Variants in LRRC49 observed in about 807,000 individuals in gnomAD.
LRRC49 encodes leucine rich repeat containing 49, also known as leucine-rich repeat-containing protein 49.
A neutral mutation model predicts 83.3 loss-of-function variants in LRRC49; 50 were observed. That is an observed-to-expected ratio of 0.60 (90% CI 0.48 to 0.76). LRRC49 has a LOEUF of 0.76. Ranked by LOEUF, LRRC49 falls within the 30% of genes least tolerant of loss-of-function variation. The pLI, the probability that LRRC49 is intolerant of heterozygous loss-of-function variation, is 0.00. For missense variants in LRRC49, 704 were observed against 809.1 expected (o/e 0.87, Z 1.58); for synonymous variants, 286 against 283.3 (o/e 1.01, Z -0.10).
Position 71,052,052 on chromosome 15 carries a change from A to G in LRRC49, c.*2440A>G, listed in dbSNP as rs980574664. The G allele has an allele frequency of 6.6e-6, 1 of 152,196 alleles. No individual in the cohort carries two copies. Among genetic ancestry groups the G allele is most frequent in the African/African-American group, 2.4e-5 (1 of 41,430 alleles). The allele number at this position is 152,196 out of a possible 1,614,324, so 9.4% of individuals were successfully genotyped here. ...CACTCCAAACTCATTTTGCGTTCTG[A>G]AGTTCCTTGGTGAAGATAATCCCCA... On this transcript the variant is annotated 3_prime_UTR_variant, in exon 16 of 16. Coordinates refer to ENST00000260382, the MANE Select transcript of LRRC49 (RefSeq NM_017691.5).
chr15:70,879,634 T>C (rs942328371), intron 2 of LRRC49, among the ~76,000 whole-genome samples: 1 of 151,802 alleles, frequency 6.6e-6, no homozygotes, highest in South Asian at 2.1e-4. Flanking sequence ...TTGGGTGGAG[T>C]TTATGAGATT....
chr15:70,855,981 G>C (rs950986229), intron 1 of LRRC49, among the ~76,000 whole-genome samples: 3 of 152,088 alleles, frequency 2.0e-5, no homozygotes, highest in Non-Finnish European at 4.4e-5. Context: ...TTCACAAAGT[G>C]ATACCCATTA....
intron 11 of LRRC49, among the ~76,000 whole-genome samples, chr15:71,000,375 T>G (rs189274906): frequency 6.6e-6 from 1 of 152,352 alleles, no homozygotes; most frequent in African/African-American, 2.4e-5. Context: ...GTCATTTATA[T>G]CTGTTCTATA....
chr15:70,987,810 T>C (rs373943598), intron 11 of LRRC49, among the ~76,000 whole-genome samples: 11 of 152,186 alleles, frequency 7.2e-5, no homozygotes, highest in Non-Finnish European at 1.5e-5. Flanking sequence ...GCTTTGAATG[T>C]GTCCCAGCGA....
At chr15:70,905,365 T>A (rs2141113911) in intron 5 of LRRC49, among the ~76,000 whole-genome samples, 1 of 152,298 alleles carries the variant, frequency 6.6e-6, no homozygotes, top group East Asian at 1.9e-4. Flanking sequence ...AATCCAAAAA[T>A]GATTTTTATA....
intron 1 of LRRC49, chr15:70,859,833 A>T: frequency 1.3e-6 from 1 of 763,060 alleles, no homozygotes; most frequent in Non-Finnish European, 2.4e-6. Flanking sequence ...CTGCGTGAGT[A>T]CCAGGAGCTG....
intron 3 of LRRC49, chr15:70,898,245 C>G: frequency 1.7e-6 from 1 of 589,978 alleles, no homozygotes; most frequent in East Asian, 2.9e-5. Flanking sequence ...CTTCTTAACA[C>G]TTTGAGATGC....
At chr15:70,925,271 G>A (rs985696277) in intron 7 of LRRC49, among the ~76,000 whole-genome samples, 2 of 151,988 alleles carry the variant, frequency 1.3e-5, no homozygotes, top group African/African-American at 4.8e-5. Context: ...CCATGATTTG[G>A]CATTGAAATG....
At chr15:70,854,173 G>C (rs898901188) in intron 1 of LRRC49, 31 of 1,035,990 alleles carry the variant, frequency 3.0e-5, no homozygotes, top group Non-Finnish European at 3.5e-5. Context: ...GAGGGGGCGG[G>C]GGCGGTGCGA....
Position 70,867,197 on chromosome 15 carries a change from C to T in LRRC49, c.-298-5711C>T, listed in dbSNP as rs369999755. ...GAGTCATGTAGGCCTGCCTTTGTGA[C>T]GGGAATCCTCATATCAGACACTCTC... On this transcript the variant is annotated intron_variant, in intron 1 of 16. Coordinates refer to the LRRC49 transcript ENST00000544974. 2.0e-3 allele frequency among the ~76,000 whole-genome samples: 308 copies of T among 151,942 alleles called. 1 individual carries two copies. The highest frequency in any genetic ancestry group is 0.017 in the Middle Eastern group (5 of 294).
intron 11 of LRRC49, among the ~76,000 whole-genome samples, chr15:70,998,276 G>A (rs2038142268): frequency 1.3e-5 from 2 of 152,000 alleles, no homozygotes; most frequent in African/African-American, 4.8e-5. Context: ...TACCTTTCTT[G>A]ATGTTATTTC....
chr15:70,871,403 TC>T (rs891953444), intron 1 of LRRC49, among the ~76,000 whole-genome samples: 6 of 151,928 alleles, frequency 3.9e-5, no homozygotes, highest in African/African-American at 7.2e-5. Flanking sequence ...TCCCCACATT[TC>T]CCCCCTCTCT....
chr15:70,912,898 C>G (rs146383129), intron 6 of LRRC49, among the ~76,000 whole-genome samples: 1 of 151,932 alleles, frequency 6.6e-6, no homozygotes, highest in Non-Finnish European at 1.5e-5. Flanking sequence ...AGGATGGTCT[C>G]GATCTCCTGA....
chr15:70,901,954 G>A (rs1030223481), intron 4 of LRRC49, among the ~76,000 whole-genome samples: 3 of 152,120 alleles, frequency 2.0e-5, no homozygotes, highest in Non-Finnish European at 2.9e-5. Context: ...CAACATCTCT[G>A]TTTTGCATAC....
At chr15:70,952,210 A>T (rs1047745220) in intron 8 of LRRC49, among the ~76,000 whole-genome samples, 2 of 148,730 alleles carry the variant, frequency 1.3e-5, no homozygotes, top group African/African-American at 4.9e-5. Context: ...GGACGTTGGC[A>T]TGAAGCTTTT....
At chr15:70,856,716 A>T (rs1178738251) in intron 1 of LRRC49, among the ~76,000 whole-genome samples, 1 of 152,168 alleles carries the variant, frequency 6.6e-6, no homozygotes, top group African/African-American at 2.4e-5. Context: ...TCACGTTTGC[A>T]ATGAGGAGAG....
chr15:70,962,263 T>C lies in LRRC49; in HGVS notation c.774-1522T>C, dbSNP rs2036627960. ...CTAGAATGATTCATTTGGTGATGGATTAGAGTTGGAGACATCAGTATAAAC... is the reference window on the plus strand; with the variant it reads ...CTAGAATGATTCATTTGGTGATGGACTAGAGTTGGAGACATCAGTATAAAC... On this transcript the variant is annotated intron_variant, in intron 8 of 15. Transcript: ENST00000260382. Among the ~76,000 whole-genome samples the C allele has an allele frequency of 1.3e-5, 2 of 152,118 alleles. 1 individual carries two copies. Among genetic ancestry groups the C allele is most frequent in the Non-Finnish European group, 2.9e-5 (2 of 68,000 alleles).
intron 1 of LRRC49, chr15:70,858,829 C>G: frequency 1.3e-6 from 1 of 793,168 alleles, no homozygotes; most frequent in East Asian, 2.5e-5. Flanking sequence ...GAGATTCTCC[C>G]GAGTGGGCAG....
intron 11 of LRRC49, among the ~76,000 whole-genome samples, chr15:70,993,590 A>T (rs2037972532): frequency 6.6e-6 from 1 of 152,190 alleles, no homozygotes; most frequent in African/African-American, 2.4e-5. Context: ...TACCACTCTT[A>T]TATAGCCCTA....
Sources: allele counts gnomAD v4.1 joint callset (sites outside exome capture counted in the v4.1 genomes callset), GRCh38; gene constraint gnomAD v4.1.1; transcripts MANE v1.5; gene names NCBI Gene and HGNC (gene_info 2026-07-23, HGNC 2026-07-21).